QSER1: variants seen among roughly 807,000 people sequenced by gnomAD.
The protein encoded by QSER1 is glutamine and serine-rich protein 1.
Under a neutral mutation model 158.5 loss-of-function variants are expected in QSER1, and 49 were observed. The observed-to-expected ratio is 0.31, with a 90% CI of 0.25 to 0.39. The LOEUF is 0.39. Among genes scored for constraint, QSER1 ranks in the 10% least tolerant of loss-of-function variants. QSER1 has a pLI of 1.00. For missense variants in QSER1, 1,754 were observed against 2,010.3 expected (o/e 0.87, Z 2.44); for synonymous variants, 650 against 715.5 (o/e 0.91, Z 1.46).
At chr11:32,899,674 CT>C (rs1851600870) in intron 1 of QSER1, among the ~76,000 whole-genome samples, 1 of 151,726 alleles carries the variant, frequency 6.6e-6, no homozygotes, top group Admixed American at 6.6e-5. Context: ...AAAAAAAACA[CT>C]GTCTTGCCTC....
intron 1 of QSER1, among the ~76,000 whole-genome samples, chr11:32,908,091 CTT>C (rs1851716822): frequency 1.3e-5 from 2 of 151,866 alleles, no homozygotes; most frequent in South Asian, 4.2e-4. Flanking sequence ...GAATGAGACA[CTT>C]TCTCAAAAGA....
At position 32,955,392 on chromosome 11, in the gene QSER1, G is replaced by C. The variant is rs369707944; in HGVS notation, c.4597G>C (p.Glu1533Gln). 1.3e-6 allele frequency: 2 copies of C among 1,581,438 alleles called. No individual in the cohort carries two copies. Among genetic ancestry groups the C allele is most frequent in the South Asian group, 1.2e-5 (1 of 86,870 alleles). Residue 1533 changes from glutamate (E) to glutamine (Q), a missense_variant, in exon 6 of 13, where the codon GAA becomes CAA. Physicochemically the swap from Glu to Gln is conservative, Grantham distance 29. Transcript: ENST00000650167. ...TCCTGAAATTCGAGATGGTCAAAGAGAATTTGCTGCTACAAATAGTGTAAG... is the reference window on the plus strand; with the variant it reads ...TCCTGAAATTCGAGATGGTCAAAGACAATTTGCTGCTACAAATAGTGTAAG... ...FVPEIRDGQR[E>Q]FAATNSYLGY...
chr11:32,950,858 C>G (rs1308613302), intron 4 of QSER1, among the ~76,000 whole-genome samples: 4 of 152,128 alleles, frequency 2.6e-5, no homozygotes, highest in Non-Finnish European at 5.9e-5. Context: ...GTATCTGATT[C>G]CTTTTTATTC....
intron 1 of QSER1, chr11:32,925,997 G>A (rs1282153544): frequency 6.6e-6 from 1 of 152,480 alleles, no homozygotes; most frequent in Non-Finnish European, 1.5e-5. Flanking sequence ...GGAGGCTGAG[G>A]CAGGAGGATT....
rs138268192 is a variant in QSER1 at position 32,933,627 on chromosome 11, C to G, written c.2369C>G (p.Thr790Ser). ...GCTACCCTTGATCTTAAGAACTCAACTAATTTAATACAGACTCCACAAATA... is the reference window on the plus strand; with the variant it reads ...GCTACCCTTGATCTTAAGAACTCAAGTAATTTAATACAGACTCCACAAATA... ...NAATLDLKNSTNLIQTPQIRL... is the reference protein window; with the variant it reads ...NAATLDLKNSSNLIQTPQIRL... The change falls in exon 4 of 13, where the codon ACT becomes AGT. Residue 790 changes from threonine to serine, a missense_variant. Thr to Ser is a moderately conservative substitution (Grantham distance 58). Transcript: ENST00000650167. The G allele has an allele frequency of 6.1e-5, 99 of 1,613,832 alleles. No homozygotes were observed. The East Asian group carries it at 2.2e-3, about 36-fold the overall frequency.
intron 1 of QSER1, among the ~76,000 whole-genome samples, chr11:32,895,607 C>A (rs1177478743): frequency 6.6e-6 from 1 of 152,130 alleles, no homozygotes; most frequent in Non-Finnish European, 1.5e-5. Flanking sequence ...GTGGCAGTTT[C>A]TTGTGAAGGT....
intron 4 of QSER1, among the ~76,000 whole-genome samples, 176 bp from the exon 5 acceptor site, chr11:32,953,681 A>T (rs991855950): frequency 2.0e-5 from 3 of 152,202 alleles, no homozygotes; most frequent in Non-Finnish European, 4.4e-5. Context: ...CTTAATTCTC[A>T]CATCTTTGAT....
chr11:32,957,134 CTT>C (rs548632242), intron 7 of QSER1, among the ~76,000 whole-genome samples: 10 of 127,868 alleles, frequency 7.8e-5, no homozygotes, highest in African/African-American at 2.6e-4. Context: ...CTTTTTTTTT[CTT>C]TTTTTTTTTT....
At chr11:32,958,194 T>G (rs1251826213) in intron 8 of QSER1, 108 bp downstream of exon 8, 1 of 893,128 alleles carries the variant, frequency 1.1e-6, no homozygotes, top group Non-Finnish European at 1.7e-6. Flanking sequence ...AGGGAATTTA[T>G]CTACCTAATA....
In QSER1 at chr11:32,953,951, T is replaced by C. The variant is rs749677289; in HGVS notation, c.4272T>C (p.Pro1424=). 1.9e-6 allele frequency: 3 copies of C among 1,614,142 alleles called. No individual in the cohort carries two copies. In the South Asian group the frequency reaches 3.3e-5, roughly 18 times the overall value. Residue 1424 remains proline (P), a synonymous_variant, in exon 5 of 13, where the codon CCT becomes CCC. Coordinates refer to ENST00000650167, the MANE Select transcript of QSER1 (RefSeq NM_001076786.3). ...STTVGAVKQE[P]LHSTSYAVNI... ...CTGTGGGTGCAGTTAAGCAAGAACCTCTCCACTCTACTTCATATGCAGTAA... is the reference window on the plus strand; with the variant it reads ...CTGTGGGTGCAGTTAAGCAAGAACCCCTCCACTCTACTTCATATGCAGTAA...
At chr11:32,963,240 C>T (rs1264731168) in intron 8 of QSER1, among the ~76,000 whole-genome samples, 1 of 151,322 alleles carries the variant, frequency 6.6e-6, no homozygotes, top group East Asian at 2.0e-4. Context: ...ACTGCAACCT[C>T]AATATCCCAG....
chr11:32,953,467 T>C (rs1852458073), intron 4 of QSER1, among the ~76,000 whole-genome samples: 1 of 152,068 alleles, frequency 6.6e-6, no homozygotes, highest in Non-Finnish European at 1.5e-5. Flanking sequence ...AATTTTCGCA[T>C]CTCATCCTCC....
chr11:32,896,726 C>T (rs538159240), intron 1 of QSER1, among the ~76,000 whole-genome samples: 1 of 152,166 alleles, frequency 6.6e-6, no homozygotes, highest in African/African-American at 2.4e-5. Context: ...ACTTTTGGCA[C>T]CAGTTTTTAG....
intron 1 of QSER1, among the ~76,000 whole-genome samples, chr11:32,907,858 G>A (rs1851713828): frequency 1.3e-5 from 2 of 152,236 alleles, no homozygotes; most frequent in Admixed American, 6.5e-5. Context: ...AGCACTTTGG[G>A]AGGCCAAGGC....
Position 32,934,023 on chromosome 11 carries a change from T to C in QSER1, c.2765T>C (p.Val922Ala). ...QQQLHPQNSE[V>A]MKMDLSESSK... ...CAACTCCATCCTCAAAATTCTGAAG[T>C]TATGAAAATGGACCTCTCTGAGTCT... Residue 922 changes from valine to alanine, a missense_variant, in exon 4 of 13, where the codon GTT (valine) becomes GCT (alanine). Transcript: ENST00000650167. The C allele has an allele frequency of 6.2e-7, 1 of 1,613,648 alleles. No homozygotes were observed. Among genetic ancestry groups the C allele is most frequent in the East Asian group, 2.2e-5 (1 of 44,880 alleles).
intron 10 of QSER1, among the ~76,000 whole-genome samples, chr11:32,970,615 G>T (rs1852834405): frequency 6.6e-6 from 1 of 152,158 alleles, no homozygotes; most frequent in Non-Finnish European, 1.5e-5. Flanking sequence ...ATGTTGGTCA[G>T]GCTGGTCTCG....
intron 4 of QSER1, among the ~76,000 whole-genome samples, chr11:32,941,684 A>G (rs1398860861): frequency 6.6e-6 from 1 of 152,140 alleles, no homozygotes; most frequent in Non-Finnish European, 1.5e-5. Context: ...TAATGCCACA[A>G]TAAACATACA....
rs956413318 is a variant in QSER1 at position 32,976,872 on chromosome 11, G to A, written c.*398G>A. The A allele has an allele frequency of 1.5e-5, 3 of 197,098 alleles. No homozygotes were observed. The highest frequency in any genetic ancestry group is 2.0e-5 in the Non-Finnish European group (2 of 98,576). 12.2% of individuals were successfully genotyped at this position (197,098 alleles called of 1,614,324 possible). A position where few individuals can be genotyped will look rare whatever the true frequency, so the allele number is the denominator to read the frequency against. ...TAAACACCAGAATGACAGAGAAGTGGCAGAAACCATATGTTTGTACTCACA... is the reference window on the plus strand; with the variant it reads ...TAAACACCAGAATGACAGAGAAGTGACAGAAACCATATGTTTGTACTCACA... On this transcript the variant is annotated 3_prime_UTR_variant, in exon 13 of 13. Transcript: ENST00000650167.
Position 32,969,140 on chromosome 11 carries a change from C to A in QSER1, c.5202C>A (p.Phe1734Leu). 1 of 1,565,108 alleles carries A rather than the reference C, an allele frequency of 6.4e-7. No individual in the cohort carries two copies. Residue 1734 changes from phenylalanine (F) to leucine (L), a missense_variant, in exon 10 of 13, where the codon TTC (phenylalanine) becomes TTA (leucine). Phe to Leu is a conservative substitution (Grantham distance 22). Around this residue, in one of 2 missense-constraint regions of QSER1, gnomAD observed 1,707 missense variants for 1,919.6 expected, o/e 0.89. Coordinates refer to ENST00000650167, the MANE Select transcript of QSER1 (RefSeq NM_001076786.3). ...TGAATCTTCATTTGGATCAATCATT[C>A]AAGGTATTTCCTTCTGATGACTTAT... The part of the protein sequence containing the change: ...LLLNLHLDQS[F>L]KNALESFPEL...
Sources: gnomAD v4.1 joint callset for allele counts (sites outside exome capture counted in the v4.1 genomes callset) on GRCh38, gnomAD v4.1.1 for gene constraint, gnomAD v4.1.1 regional missense constraint, MANE v1.5 for transcripts, NCBI Gene and HGNC (gene_info 2026-07-23, HGNC 2026-07-21) for gene names.